Variants in WASF1 observed in about 807,000 individuals in gnomAD.
The protein encoded by WASF1 is WASP family member 1.
Under a neutral mutation model 50.5 loss-of-function variants are expected in WASF1, and 7 were observed. The observed-to-expected ratio is 0.14, with a 90% confidence interval of 0.08 to 0.26. WASF1 has a LOEUF of 0.26. Among genes scored for constraint, WASF1 ranks in the 10% least tolerant of loss-of-function variants. WASF1 has a pLI of 1.00. For synonymous variants in WASF1, 205 were observed against 244.0 expected (o/e 0.84, Z 1.49); for missense variants, 470 against 694.7 (o/e 0.68, Z 3.64).
chr6:110,112,761 G>A (rs891397524), intron 5 of WASF1, among the ~76,000 whole-genome samples: 1 of 151,784 alleles, frequency 6.6e-6, no homozygotes, highest in Non-Finnish European at 1.5e-5. Context: ...TTAGCCAGGC[G>A]TGGTGGCAGA....
At chr6:110,146,507 C>G (rs563583731) in intron 3 of WASF1, among the ~76,000 whole-genome samples, 1 of 151,506 alleles carries the variant, frequency 6.6e-6, no homozygotes, top group East Asian at 1.9e-4. Flanking sequence ...GCATGAAGAA[C>G]TGTACATTAA....
intron 3 of WASF1, among the ~76,000 whole-genome samples, chr6:110,127,837 G>T (rs903024565): frequency 6.6e-6 from 1 of 152,024 alleles, no homozygotes; most frequent in Non-Finnish European, 1.5e-5. Context: ...GCCTACTCAA[G>T]GTGAAAATGA....
rs1042918406 is a variant in WASF1 at position 110,179,568 on chromosome 6, G to C, written c.-401C>G. ...GGGCTCTGGGGCGGAACCCGCTCAG[G>C]GCAGCGGCCCAGGCGCCAGGCCACA... On this transcript the variant is annotated 5_prime_UTR_variant, in exon 1 of 11. Coordinates refer to ENST00000392589, the MANE Select transcript of WASF1 (RefSeq NM_003931.3). 6.6e-6 allele frequency: 1 copy of C among 151,966 alleles called. No homozygotes were observed. Among genetic ancestry groups the C allele is most frequent in the Non-Finnish European group, 1.5e-5 (1 of 67,986 alleles). The allele number at this position is 151,966 out of a possible 1,614,324, so 9.4% of individuals were successfully genotyped here.
Position 110,100,344 on chromosome 6 carries a change from A to G in WASF1, c.*178T>C, listed in dbSNP as rs1405504344. ...GAAAAAAAAGATAAGCCACTGTAAAACATTTAGTTTGAAATGTATGCTAAT... is the reference window on the plus strand; with the variant it reads ...GAAAAAAAAGATAAGCCACTGTAAAGCATTTAGTTTGAAATGTATGCTAAT... On this transcript the variant is annotated 3_prime_UTR_variant, in exon 11 of 11. Coordinates refer to ENST00000392589, the MANE Select transcript of WASF1 (RefSeq NM_003931.3). 9.8e-6 allele frequency: 6 copies of G among 614,462 alleles called. No homozygotes were observed. The allele number at this position is 614,462 out of a possible 1,614,324, so 38.1% of individuals were successfully genotyped here. A position where few individuals can be genotyped will look rare whatever the true frequency, so the allele number is the denominator to read the frequency against.
At chr6:110,171,601 C>T (rs1452198425) in intron 2 of WASF1, among the ~76,000 whole-genome samples, 1 of 152,036 alleles carries the variant, frequency 6.6e-6, no homozygotes, top group African/African-American at 2.4e-5. Flanking sequence ...TAGGCAATAC[C>T]ATTCAGGACA....
chr6:110,159,610 G>A (rs961859981), intron 3 of WASF1, among the ~76,000 whole-genome samples: 5 of 151,966 alleles, frequency 3.3e-5, no homozygotes, highest in African/African-American at 9.6e-5. Flanking sequence ...ATGAGACACA[G>A]TTAGAAGTTA....
intron 5 of WASF1, 96 bp from the exon 6 acceptor site, chr6:110,108,777 T>C (rs1773434351): frequency 8.2e-7 from 1 of 1,225,578 alleles, no homozygotes; most frequent in African/African-American, 1.5e-5. Flanking sequence ...AAAGTCAGCA[T>C]GGCTCAAGAG....
At chr6:110,134,283 C>T (rs1017342566) in intron 3 of WASF1, among the ~76,000 whole-genome samples, 1 of 151,996 alleles carries the variant, frequency 6.6e-6, no homozygotes, top group African/African-American at 2.4e-5. Flanking sequence ...TGTGGCTTGC[C>T]GATTATCGCA....
At chr6:110,155,536 CTTTTTTTTT>C (rs66645132) in intron 3 of WASF1, among the ~76,000 whole-genome samples, 9 of 45,974 alleles carry the variant, frequency 2.0e-4, no homozygotes, top group Admixed American at 7.4e-4. Flanking sequence ...AAAGTGCCTT[CTTTTTTTTT>C]TTTTTTTTTT....
chr6:110,171,550 T>C (rs932672888), intron 2 of WASF1, among the ~76,000 whole-genome samples: 25 of 151,686 alleles, frequency 1.6e-4, no homozygotes, highest in Admixed American at 1.6e-3. Flanking sequence ...ATTAGAAAAG[T>C]AGAAGGATCT....
At chr6:110,116,399 C>T (rs765780810) in intron 4 of WASF1, among the ~76,000 whole-genome samples, 5 of 152,180 alleles carry the variant, frequency 3.3e-5, no homozygotes, top group East Asian at 1.9e-4. Flanking sequence ...CCTGGCTCGG[C>T]GGGTCCCACG....
At chr6:110,169,827 C>T (rs969416006) in intron 2 of WASF1, among the ~76,000 whole-genome samples, 1 of 152,044 alleles carries the variant, frequency 6.6e-6, no homozygotes, top group Non-Finnish European at 1.5e-5. Flanking sequence ...AAATCAAATA[C>T]GTAAGATATT....
Position 110,101,832 on chromosome 6 carries a change from G to A in WASF1, c.1278C>T (p.Pro426=), listed in dbSNP as rs1168860181. The change falls in exon 10 of 11, where the codon CCC becomes CCT. Residue 426 remains proline, a synonymous_variant. Coordinates refer to ENST00000392589, the MANE Select transcript of WASF1 (RefSeq NM_003931.3). ...GTGGAGGCAGAGGAGGCGGTGGTGG[G>A]GGTGGAGGCAGCCCCTGAACTTCAC... is the stretch of plus-strand genomic sequence containing the variant. The part of the protein sequence containing the change: ...PQGEVQGLPP[P]PPPPPLPPPG... 4 of 1,614,064 alleles carry A rather than the reference G, an allele frequency of 2.5e-6. No individual in the cohort carries two copies. The highest frequency in any genetic ancestry group is 8.5e-7 in the Non-Finnish European group (1 of 1,180,010).
chr6:110,177,600 C>T (rs1242170221), intron 2 of WASF1, among the ~76,000 whole-genome samples: 1 of 152,086 alleles, frequency 6.6e-6, no homozygotes, highest in East Asian at 1.9e-4. Context: ...ATATTATCTC[C>T]ATTTACATAT....
At chr6:110,104,814 A>G (rs975636935) in intron 8 of WASF1, among the ~76,000 whole-genome samples, 1 of 152,220 alleles carries the variant, frequency 6.6e-6, no homozygotes, top group African/African-American at 2.4e-5. Flanking sequence ...ACGTATGACT[A>G]TACCCAAATA....
rs74680007 is a variant in WASF1 at position 110,174,201 on chromosome 6, A to G, written c.-127+4397T>C. ...TTCCTTTTCCACCTAGCTAACTTCC[A>G]CTAATCTTGCCTCTAAGAAGCCTCC... On this transcript the variant is annotated intron_variant, in intron 2 of 10. Transcript: ENST00000392589. Among the ~76,000 whole-genome samples, 749 of 152,066 alleles carry G rather than the reference A, an allele frequency of 4.9e-3. 6 individuals carry two copies. The highest frequency in any genetic ancestry group is 0.017 in the African/African-American group (723 of 41,438).
chr6:110,173,460 C>G (rs1321417221), intron 2 of WASF1, among the ~76,000 whole-genome samples: 2 of 152,126 alleles, frequency 1.3e-5, no homozygotes, highest in Non-Finnish European at 2.9e-5. Context: ...AAAAATGGGA[C>G]TTTGAAATCA....
chr6:110,141,561 T>G (rs898979426), intron 3 of WASF1, among the ~76,000 whole-genome samples: 1 of 152,178 alleles, frequency 6.6e-6, no homozygotes, highest in African/African-American at 2.4e-5. Context: ...CTGTGCTTAT[T>G]TGTTTACACA....
intron 1 of WASF1, among the ~76,000 whole-genome samples, chr6:110,179,099 C>G (rs977198553): frequency 6.6e-6 from 1 of 152,194 alleles, no homozygotes; most frequent in African/African-American, 2.4e-5. Flanking sequence ...AGGCACGGGG[C>G]GGACCGCGGG....
Sources: allele counts gnomAD v4.1 joint callset (sites outside exome capture counted in the v4.1 genomes callset), GRCh38; gene constraint gnomAD v4.1.1; transcripts MANE v1.5; gene names NCBI Gene and HGNC (gene_info 2026-07-23, HGNC 2026-07-21).